HTR7: variants seen among roughly 807,000 people sequenced by gnomAD.
HTR7 encodes 5-hydroxytryptamine receptor 7, also known as 5-HT-7.
HTR7 carries 16 observed loss-of-function variants against 34.0 expected under a neutral mutation model. The observed-to-expected ratio is 0.47, with a 90% CI of 0.32 to 0.71. The LOEUF (loss-of-function observed/expected upper bound fraction) is 0.71. Ranked by LOEUF, HTR7 falls within the 30% of genes least tolerant of loss-of-function variation. The pLI, the probability that HTR7 is intolerant of heterozygous loss-of-function variation, is 0.04. For synonymous variants in HTR7, 265 were observed against 260.2 expected, an observed-to-expected ratio of 1.02 and a Z score of -0.18; for missense variants, 504 against 625.5, an observed-to-expected ratio of 0.81 and a Z score of 2.07.
intron 1 of HTR7, among the ~76,000 whole-genome samples, chr10:90,844,238 A>G (rs1377044190): frequency 6.6e-6 from 1 of 152,238 alleles, no homozygotes; most frequent in Non-Finnish European, 1.5e-5. Flanking sequence ...AGCATGACCC[A>G]GTAGTGCCCA....
intron 1 of HTR7, among the ~76,000 whole-genome samples, chr10:90,803,939 T>G (rs1014021716): frequency 6.6e-6 from 1 of 151,978 alleles, no homozygotes; most frequent in Non-Finnish European, 1.5e-5. Flanking sequence ...CACCGAGTGT[T>G]GCTTTTTCCA....
chr10:90,747,972 T>A (rs1405732313), intron 2 of HTR7, among the ~76,000 whole-genome samples: 2 of 152,192 alleles, frequency 1.3e-5, no homozygotes, highest in Admixed American at 1.3e-4. Context: ...ATTTTTAACA[T>A]GTGGGTCACT....
intron 1 of HTR7, among the ~76,000 whole-genome samples, chr10:90,773,349 G>A: frequency 6.6e-6 from 1 of 152,104 alleles, no homozygotes; most frequent in Admixed American, 6.5e-5. Flanking sequence ...TACATAATAG[G>A]TGTATATATT....
At chr10:90,776,923 A>G (rs1845222948) in intron 1 of HTR7, among the ~76,000 whole-genome samples, 1 of 152,246 alleles carries the variant, frequency 6.6e-6, no homozygotes. Context: ...TGAAGGTCTT[A>G]GTTAGCTGAG....
chr10:90,838,964 TC>T (rs1224933790), intron 1 of HTR7, among the ~76,000 whole-genome samples: 3 of 152,218 alleles, frequency 2.0e-5, no homozygotes, highest in Non-Finnish European at 4.4e-5. Flanking sequence ...GAATATAAGA[TC>T]CTAGAGAGCA....
At chr10:90,808,567 A>C (rs1372258149) in intron 1 of HTR7, among the ~76,000 whole-genome samples, 1 of 150,314 alleles carries the variant, frequency 6.7e-6, no homozygotes, top group African/African-American at 2.5e-5. Flanking sequence ...CTGCGCCCTG[A>C]TCCCTTATTT....
intron 1 of HTR7, among the ~76,000 whole-genome samples, chr10:90,768,245 G>A (rs778890687): frequency 7.0e-6 from 1 of 141,958 alleles, no homozygotes; most frequent in East Asian, 2.0e-4. Context: ...TTCTCTGTCC[G>A]CAAGTATTGC....
At chr10:90,760,430 G>A (rs753756455) in intron 1 of HTR7, among the ~76,000 whole-genome samples, 5 of 152,166 alleles carry the variant, frequency 3.3e-5, no homozygotes, top group Non-Finnish European at 5.9e-5. Flanking sequence ...GTGTTCTATA[G>A]CATTGTAGGA....
At chr10:90,826,741 TC>T (rs1265444086) in intron 1 of HTR7, among the ~76,000 whole-genome samples, 1 of 151,738 alleles carries the variant, frequency 6.6e-6, no homozygotes, top group African/African-American at 2.4e-5. Flanking sequence ...ATCGAGACCA[TC>T]CTGGCTAACA....
At chr10:90,810,240 C>T (rs1437939577) in intron 1 of HTR7, among the ~76,000 whole-genome samples, 2 of 152,072 alleles carry the variant, frequency 1.3e-5, no homozygotes, top group African/African-American at 4.8e-5. Flanking sequence ...GGGCTACAGC[C>T]ACATCTCATT....
chr10:90,857,068 C>A lies in HTR7; in HGVS notation c.539+65G>T, dbSNP rs989691972. The A allele has an allele frequency of 6.4e-6, 9 of 1,411,854 alleles. No individual in the cohort carries two copies. The South Asian group carries it at 1.2e-4, about 18-fold the overall frequency. 87.5% of individuals were successfully genotyped at this position (1,411,854 alleles called of 1,614,324 possible). A position where few individuals can be genotyped will look rare whatever the true frequency, so the allele number is the denominator to read the frequency against. On this transcript the variant is annotated intron_variant, in intron 1 of 3. Coordinates refer to ENST00000336152, the MANE Select transcript of HTR7 (RefSeq NM_019859.4). This position sits in a 1 kb window ranked among gnomAD's most constrained non-coding sequence, Gnocchi z 6.5. The stretch of plus-strand genomic sequence containing the variant: ...GCTTGATCCTCCCAGGAAAGGCGAG[C>A]GCGCGGGGCTGAGCTGCCAGCCGGT...
At chr10:90,824,913 A>G (rs557403113) in intron 1 of HTR7, among the ~76,000 whole-genome samples, 2 of 151,942 alleles carry the variant, frequency 1.3e-5, no homozygotes, top group Admixed American at 6.5e-5. Flanking sequence ...GCCCTGGGGA[A>G]CTCCACTCCC....
chr10:90,770,157 C>T (rs1845085066), intron 1 of HTR7, among the ~76,000 whole-genome samples: 2 of 152,346 alleles, frequency 1.3e-5, no homozygotes, highest in Admixed American at 1.3e-4. Flanking sequence ...GCGGGGAGGG[C>T]ACCTGCAGGG....
In HTR7 at chr10:90,749,498, G is replaced by A. The variant is rs779842637; in HGVS notation, c.636C>T (p.Ser212=). 32 of 1,614,006 alleles carry A rather than the reference G, an allele frequency of 2.0e-5. No individual in the cohort carries two copies. Among genetic ancestry groups the A allele is most frequent in the African/African-American group, 2.7e-5 (2 of 74,908 alleles). ...ATCCAAAGAGTGGAGGTAAGGTGAT[G>A]GAGGCGGAGAGAAGCCAGACGGAGA... ...MILSVWLLSA[S]ITLPPLFGWA... Residue 212 remains serine (S), a synonymous_variant, in exon 2 of 4, where the codon TCC becomes TCT. Coordinates refer to ENST00000336152, the MANE Select transcript of HTR7 (RefSeq NM_019859.4). This position sits in a 1 kb window ranked among gnomAD's most constrained non-coding sequence, Gnocchi z 4.2.
chr10:90,780,597 C>T lies in HTR7; in HGVS notation c.540-31003G>A, dbSNP rs570305016. 3.9e-4 allele frequency among the ~76,000 whole-genome samples: 59 copies of T among 151,104 alleles called. 1 individual carries two copies. The highest frequency in any genetic ancestry group is 1.2e-3 in the African/African-American group (49 of 41,154). On this transcript the variant is annotated intron_variant, in intron 1 of 3. Transcript: ENST00000336152. ...AGTATGTGCCACATGGAAAGTGATT[C>T]GTAAATAAATGATAAATGATTAAAT...
rs547398687 is a variant in HTR7, at chr10:90,794,827, T to C, written c.540-45233A>G. On this transcript the variant is annotated intron_variant, in intron 1 of 3. Transcript: ENST00000336152. ...ATACATAATTGTATGTGTTATACTT[T>C]TACACAACTGGCAGTGAAGTAGGTT... 4.6e-5 allele frequency among the ~76,000 whole-genome samples: 7 copies of C among 152,292 alleles called. No individual in the cohort carries two copies. In the South Asian group the frequency reaches 1.5e-3, roughly 32 times the overall value.
At chr10:90,775,788 C>T (rs1845197090) in intron 1 of HTR7, among the ~76,000 whole-genome samples, 2 of 152,116 alleles carry the variant, frequency 1.3e-5, no homozygotes, top group South Asian at 4.1e-4. Flanking sequence ...AAGAACAGTG[C>T]TTTCTATTCA....
Position 90,857,452 on chromosome 10 carries a change from T to C in HTR7, c.220A>G (p.Ile74Val). 1 of 1,613,938 alleles carries C rather than the reference T, an allele frequency of 6.2e-7. No individual in the cohort carries two copies. The highest frequency in any genetic ancestry group is 8.5e-7 in the Non-Finnish European group (1 of 1,180,022). Reference protein sequence around the residue: ...PDNASGCGEQINYGRVEKVVI... With the variant: ...PDNASGCGEQVNYGRVEKVVI... ...ACTTTCTCGACTCTGCCGTAGTTGATCTGTTCCCCACAGCCGGAGGCATTG... is the reference window on the plus strand; with the variant it reads ...ACTTTCTCGACTCTGCCGTAGTTGACCTGTTCCCCACAGCCGGAGGCATTG... The change falls in exon 1 of 4, where the codon ATC becomes GTC. Residue 74 changes from isoleucine (I) to valine (V), a missense_variant. Transcript: ENST00000336152. The surrounding 1 kb of genome is among the most constrained non-coding windows in gnomAD (Gnocchi z 6.5).
At chr10:90,808,797 C>T (rs1283547862) in intron 1 of HTR7, among the ~76,000 whole-genome samples, 1 of 152,128 alleles carries the variant, frequency 6.6e-6, no homozygotes, top group East Asian at 1.9e-4. Flanking sequence ...AACCTAAATG[C>T]CTTACTTTCT....
Sources: gnomAD v4.1 joint callset for allele counts (sites outside exome capture counted in the v4.1 genomes callset) on GRCh38, gnomAD v4.1.1 for gene constraint, Gnocchi (gnomAD v3.1) non-coding constraint, MANE v1.5 for transcripts, NCBI Gene and HGNC (gene_info 2026-07-23, HGNC 2026-07-21) for gene names.